The following RBM5 variants were observed in gnomAD, a reference collection of about 807,000 sequenced individuals.
RBM5 encodes the protein RNA binding motif protein 5, also known as RNA-binding protein 5.
Under a neutral mutation model 124.6 loss-of-function variants are expected in RBM5, and 15 were observed. The observed-to-expected ratio is 0.12, with a 90% confidence interval of 0.08 to 0.19. The LOEUF (loss-of-function observed/expected upper bound fraction) is 0.19. Among genes scored for constraint, RBM5 ranks in the 10% least tolerant of loss-of-function variants. RBM5 has a pLI of 1.00. For synonymous variants in RBM5, 337 were observed against 361.2 expected, an observed-to-expected ratio of 0.93 and a Z score of 0.76; for missense variants, 580 against 1,026.5, an observed-to-expected ratio of 0.57 and a Z score of 5.94.
At chr3:50,110,828 A>T in intron 17 of RBM5, 58 bp downstream of exon 17, 2 of 1,343,244 alleles carry the variant, frequency 1.5e-6, no homozygotes, top group Non-Finnish European at 2.1e-6. Context: ...TAGTGCATTT[A>T]TGAGGCATAA....
At chr3:50,110,161 A>G (rs555660178) in intron 15 of RBM5, among the ~76,000 whole-genome samples, 1 of 152,378 alleles carries the variant, frequency 6.6e-6, no homozygotes, top group Admixed American at 6.5e-5. Flanking sequence ...CAGTGAGCCA[A>G]GATTGCGCCA....
chr3:50,092,224 C>CT lies in RBM5; in HGVS notation c.183+17dup. 2 of 1,608,584 alleles carry CT rather than the reference C, an allele frequency of 1.2e-6. No homozygotes were observed. The highest frequency in any genetic ancestry group is 1.7e-6 in the Non-Finnish European group (2 of 1,177,930). The stretch of plus-strand genomic sequence containing the variant: ...CAGTCCAGAGGTGAGTGACCAGCGG[C>CT]TGTATAACCCCCCAAAACACTCTGA... On this transcript the variant is annotated intron_variant, in intron 3 of 24. Coordinates refer to ENST00000347869, the MANE Select transcript of RBM5 (RefSeq NM_005778.4).
rs1207640673 is a variant in RBM5 at position 50,115,963 on chromosome 3, G to T, written c.2077G>T (p.Glu693Ter). ...GAGCGAGCAGGAGCTGGAAGCCTTG[G>T]AGCTAAGGGAGAGAGAGGTGAATGG... ...RLSEQELEAL[E>*]LREREMKYRD... The change falls in exon 22 of 25, where the codon GAG (glutamate) becomes TAG (stop). Residue 693 changes from glutamate (E) to a stop codon, truncating the protein, a stop_gained. Transcript: ENST00000347869. LOFTEE classifies it high-confidence loss of function. The T allele has an allele frequency of 8.1e-6, 13 of 1,613,452 alleles. 1 individual carries two copies. The South Asian group carries it at 1.2e-4, about 15-fold the overall frequency.
intron 2 of RBM5, among the ~76,000 whole-genome samples, chr3:50,090,707 T>C (rs1038005170): frequency 1.3e-5 from 2 of 152,160 alleles, no homozygotes; most frequent in Non-Finnish European, 2.9e-5. Context: ...CCAGGAAAGC[T>C]TCCTGGAGAA....
chr3:50,097,966 G>A (rs758958808), intron 4 of RBM5, among the ~76,000 whole-genome samples: 3 of 152,020 alleles, frequency 2.0e-5, no homozygotes, highest in Admixed American at 6.6e-5. Flanking sequence ...TGGGTGTGGC[G>A]ACATGCGCCT....
intron 20 of RBM5, chr3:50,115,116 T>G: frequency 4.0e-6 from 1 of 248,188 alleles, no homozygotes; most frequent in South Asian, 4.7e-5. Flanking sequence ...TGCAGTGAGC[T>G]GAGATTACGC....
chr3:50,103,514 G>T (rs946177291), intron 7 of RBM5, among the ~76,000 whole-genome samples: 1 of 152,142 alleles, frequency 6.6e-6, no homozygotes, highest in African/African-American at 2.4e-5. Context: ...GGGCATCACG[G>T]TGCGCGCCTG....
At position 50,110,901 on chromosome 3, in the gene RBM5, C is replaced by T. The variant is rs1279843139; in HGVS notation, c.1455+131C>T. 4.4e-6 allele frequency: 3 copies of T among 685,834 alleles called. No homozygotes were observed. The African/African-American group carries it at 5.5e-5, about 13-fold the overall frequency. 42.5% of individuals were successfully genotyped at this position (685,834 alleles called of 1,614,324 possible). On this transcript the variant is annotated intron_variant, in intron 17 of 24. Transcript: ENST00000347869. The stretch of plus-strand genomic sequence containing the variant: ...TTAGTTTTAACTTCTTCAAAGCCAC[C>T]AAAATGTAATTTTTATATGGAGATT...
At chr3:50,110,275 A>T in intron 15 of RBM5, 104 bp from the exon 16 acceptor site, 1 of 920,764 alleles carries the variant, frequency 1.1e-6, no homozygotes, top group Non-Finnish European at 1.7e-6. Context: ...TTATTGCTAC[A>T]GTGTGTCTGT....
chr3:50,111,975 G>A (rs1575331889), intron 17 of RBM5: 1 of 151,828 alleles, frequency 6.6e-6, no homozygotes, highest in East Asian at 1.9e-4. Flanking sequence ...TGTGTGTGAC[G>A]TGCCTAAGCA....
chr3:50,113,576 G>C, intron 18 of RBM5, 32 bp downstream of exon 18: 1 of 1,581,754 alleles, frequency 6.3e-7, no homozygotes, highest in Non-Finnish European at 8.6e-7. Context: ...CTTTCATTGA[G>C]GTATTGGGCT....
chr3:50,091,968 T>C (rs759147624), intron 2 of RBM5, 75 bp from the exon 3 acceptor site: 1 of 1,451,664 alleles, frequency 6.9e-7, no homozygotes, highest in Non-Finnish European at 9.7e-7. Context: ...CTGTGGGCCG[T>C]GTGTATTTTT....
chr3:50,107,030 A>C, intron 11 of RBM5, 166 bp downstream of exon 11: 1 of 715,322 alleles, frequency 1.4e-6, no homozygotes, highest in Non-Finnish European at 2.5e-6. Context: ...ATTATTCCCT[A>C]CTGTCCTGTG....
intron 8 of RBM5, 79 bp from the exon 9 acceptor site, chr3:50,104,998 A>T (rs2109003913): frequency 8.9e-7 from 1 of 1,118,064 alleles, no homozygotes; most frequent in East Asian, 2.4e-5. Context: ...TAAAATAAAA[A>T]CTTGTGGGGA....
At chr3:50,114,412 C>T (rs2091203676) in intron 20 of RBM5, 161 bp downstream of exon 20, 5 of 647,952 alleles carry the variant, frequency 7.7e-6, no homozygotes, top group Non-Finnish European at 1.3e-5. Context: ...CATGTCGGGG[C>T]TTTGTTTTCT....
chr3:50,091,981 CTA>C (rs2090711563), intron 2 of RBM5, 60 bp from the exon 3 acceptor site: 1 of 1,537,546 alleles, frequency 6.5e-7, no homozygotes, highest in Non-Finnish European at 9.0e-7. Flanking sequence ...GTATTTTTAA[CTA>C]TGTCTTTTAA....
intron 4 of RBM5, 56 bp downstream of exon 4, chr3:50,093,931 T>G (rs187137988): frequency 7.8e-6 from 12 of 1,544,184 alleles, no homozygotes; most frequent in African/African-American, 2.7e-5. Context: ...AACTTTGAGC[T>G]TCTACCATTA....
At chr3:50,091,500 G>A (rs1247935628) in intron 2 of RBM5, among the ~76,000 whole-genome samples, 1 of 152,170 alleles carries the variant, frequency 6.6e-6, no homozygotes, top group Non-Finnish European at 1.5e-5. Flanking sequence ...AGGGGTGCTA[G>A]TTTTGGGTAA....
chr3:50,105,398 A>C (rs1342606747), intron 9 of RBM5, 151 bp from the exon 10 acceptor site: 4 of 914,524 alleles, frequency 4.4e-6, no homozygotes, highest in Non-Finnish European at 6.5e-6. Context: ...CCCTTAAAAG[A>C]CAGGATTTTT....
Sources: allele counts gnomAD v4.1 joint callset (sites outside exome capture counted in the v4.1 genomes callset), GRCh38; gene constraint gnomAD v4.1.1; transcripts MANE v1.5; gene names NCBI Gene and HGNC (gene_info 2026-07-23, HGNC 2026-07-21).